Variants in GRIA4 observed in about 807,000 individuals in gnomAD.
GRIA4 encodes glutamate receptor 4.
GRIA4 carries 34 observed loss-of-function variants against 104.0 expected under a neutral mutation model. The ratio of observed to expected loss-of-function variants is 0.33; its 90% CI spans 0.25 to 0.44. The LOEUF is 0.44. GRIA4 is among the 20% of genes least tolerant of loss of function. GRIA4 has a pLI of 1.00. For synonymous variants in GRIA4, 386 were observed against 381.9 expected (o/e 1.01, Z -0.13); for missense variants, 750 against 1,096.5 (o/e 0.68, Z 4.46).
chr11:105,891,623 C>G (rs912324999), intron 6 of GRIA4, among the ~76,000 whole-genome samples: 1 of 152,134 alleles, frequency 6.6e-6, no homozygotes, highest in Non-Finnish European at 1.5e-5. Context: ...TTACCCCACC[C>G]AATCCTAGTC....
At chr11:105,727,528 C>T (rs1266224685) in intron 3 of GRIA4, among the ~76,000 whole-genome samples, 1 of 152,008 alleles carries the variant, frequency 6.6e-6, no homozygotes, top group Non-Finnish European at 1.5e-5. Context: ...ATACAGAGAA[C>T]ACCACAAAGA....
At chr11:105,815,412 ATT>A (rs1943335563) in intron 4 of GRIA4, among the ~76,000 whole-genome samples, 3 of 152,154 alleles carry the variant, frequency 2.0e-5, no homozygotes, top group Non-Finnish European at 4.4e-5. Flanking sequence ...TTAAGACTCT[ATT>A]ATCTAATGGA....
intron 4 of GRIA4, among the ~76,000 whole-genome samples, chr11:105,765,319 T>C (rs1940881084): frequency 6.6e-6 from 1 of 152,198 alleles, no homozygotes; most frequent in African/African-American, 2.4e-5. Flanking sequence ...GATATTTAGA[T>C]TAAAAAGCCA....
chr11:105,699,668 G>C (rs986300228), intron 3 of GRIA4, among the ~76,000 whole-genome samples: 1 of 151,926 alleles, frequency 6.6e-6, no homozygotes, highest in Non-Finnish European at 1.5e-5. Flanking sequence ...AAATTGAAAG[G>C]TTCTACACTT....
chr11:105,739,453 T>A (rs1035456934), intron 3 of GRIA4, among the ~76,000 whole-genome samples: 1 of 152,174 alleles, frequency 6.6e-6, no homozygotes, highest in African/African-American at 2.4e-5. Flanking sequence ...AGAGAAGACA[T>A]CTGAAACACT....
intron 3 of GRIA4, among the ~76,000 whole-genome samples, chr11:105,703,547 C>A (rs1266888833): frequency 6.6e-6 from 1 of 152,100 alleles, no homozygotes; most frequent in Non-Finnish European, 1.5e-5. Context: ...ACTCTTATTA[C>A]AACTATGTTA....
intron 3 of GRIA4, among the ~76,000 whole-genome samples, chr11:105,745,873 A>G (rs1939625799): frequency 6.6e-6 from 1 of 152,106 alleles, no homozygotes; most frequent in South Asian, 2.1e-4. Context: ...AACATTTTGT[A>G]GCCTCCTCTA....
chr11:105,807,301 G>A (rs573438838), intron 4 of GRIA4, among the ~76,000 whole-genome samples: 1 of 151,996 alleles, frequency 6.6e-6, no homozygotes, highest in African/African-American at 2.4e-5. Flanking sequence ...AAGAATGAAA[G>A]AGGGTAAACA....
At chr11:105,806,549 G>T in intron 4 of GRIA4, among the ~76,000 whole-genome samples, 1 of 151,884 alleles carries the variant, frequency 6.6e-6, no homozygotes. Context: ...ACAAATCTGA[G>T]TGTTTACTTT....
intron 3 of GRIA4, among the ~76,000 whole-genome samples, chr11:105,635,351 CA>C (rs1488247996): frequency 6.6e-6 from 1 of 151,938 alleles, no homozygotes; most frequent in Non-Finnish European, 1.5e-5. Flanking sequence ...AGAAAAAAGT[CA>C]GGATTAGAAG....
At chr11:105,712,695 GTTTTTGTTTTGCTTTGTTTTTGT>G (rs1565484219) in intron 3 of GRIA4, among the ~76,000 whole-genome samples, 2 of 138,152 alleles carry the variant, frequency 1.4e-5, no homozygotes, top group Non-Finnish European at 3.1e-5. Flanking sequence ...TTTTGTTTTT[GTTTTTGTTTTGCTTTGTTTTTGT>G]TTTTTTTAAT....
At chr11:105,904,821 G>A (rs1447305920) in intron 8 of GRIA4, among the ~76,000 whole-genome samples, 1 of 151,994 alleles carries the variant, frequency 6.6e-6, no homozygotes, top group African/African-American at 2.4e-5. Flanking sequence ...ATATGATCTG[G>A]CATAAGTATC....
intron 3 of GRIA4, among the ~76,000 whole-genome samples, chr11:105,682,541 A>C (rs1230866579): frequency 6.6e-6 from 1 of 152,208 alleles, no homozygotes; most frequent in Non-Finnish European, 1.5e-5. Context: ...ACAACCTACC[A>C]GTGAGATTAA....
Position 105,753,222 on chromosome 11 carries a change from T to G in GRIA4, c.487+2T>G, listed in dbSNP as rs1290193794. The G allele has an allele frequency of 6.2e-7, 1 of 1,612,994 alleles. No individual in the cohort carries two copies. The highest frequency in any genetic ancestry group is 1.1e-5 in the South Asian group (1 of 91,062). ...TCTTCCTGTATGACACAGACAGGGG[T>G]AAGTCCAGTTTCTTCATCTATTAGA... On this transcript the variant is annotated splice_donor_variant, in intron 4 of 16. Transcript: ENST00000282499. LOFTEE classifies it high-confidence loss of function.
At position 105,974,365 on chromosome 11, in the gene GRIA4, T is replaced by C; in HGVS notation, c.2465T>C (p.Val822Ala). 1 of 1,613,938 alleles carries C rather than the reference T, an allele frequency of 6.2e-7. No homozygotes were observed. The highest frequency in any genetic ancestry group is 8.5e-7 in the Non-Finnish European group (1 of 1,179,860). The change falls in exon 16 of 17, where the codon GTT becomes GCT. Residue 822 changes from valine to alanine, a missense_variant. Around this residue, in one of 3 missense-constraint regions of GRIA4, gnomAD observed 272 missense variants for 524.5 expected, o/e 0.52. Coordinates refer to ENST00000282499, the MANE Select transcript of GRIA4 (RefSeq NM_000829.4). The stretch of plus-strand genomic sequence containing the variant: ...GTAGCAGGCGTCTTCTACATTCTGG[T>C]TGGCGGCTTGGGCTTGGCAATGCTG... ...SNVAGVFYIL[V>A]GGLGLAMLVA...
At chr11:105,755,552 T>G (rs1940256766) in intron 4 of GRIA4, among the ~76,000 whole-genome samples, 1 of 152,194 alleles carries the variant, frequency 6.6e-6, no homozygotes, top group Admixed American at 6.5e-5. Context: ...TCCGTCCTTT[T>G]CTTTTACCAG....
intron 4 of GRIA4, among the ~76,000 whole-genome samples, chr11:105,819,398 C>T (rs767516902): frequency 1.3e-5 from 2 of 152,082 alleles, no homozygotes; most frequent in Non-Finnish European, 2.9e-5. Flanking sequence ...TCATAAATCA[C>T]TCATAACAGT....
At chr11:105,911,789 TATATATATATATATATATA>T in intron 10 of GRIA4, 1 of 174,612 alleles carries the variant, frequency 5.7e-6, no homozygotes, top group African/African-American at 2.8e-5. Context: ...TATATATATA[TATATATATATATATATATA>T]TGTTTCTTTT....
intron 6 of GRIA4, among the ~76,000 whole-genome samples, chr11:105,895,046 G>T (rs1350257109): frequency 9.7e-6 from 1 of 102,834 alleles, no homozygotes; most frequent in Non-Finnish European, 2.1e-5. Flanking sequence ...TGATCCACCC[G>T]CCTCGGCCTC....
Sources: allele counts gnomAD v4.1 joint callset (sites outside exome capture counted in the v4.1 genomes callset), GRCh38; gene constraint gnomAD v4.1.1; regional missense constraint gnomAD v4.1.1; transcripts MANE v1.5; gene names NCBI Gene and HGNC (gene_info 2026-07-23, HGNC 2026-07-21).